KDM5B: variants seen among roughly 807,000 people sequenced by gnomAD.
KDM5B encodes the protein lysine-specific demethylase 5B.
KDM5B carries 144 observed loss-of-function variants against 193.4 expected under a neutral mutation model. That is an observed-to-expected ratio of 0.74 (90% CI 0.65 to 0.86). KDM5B has a LOEUF of 0.86. KDM5B is among the 40% of genes least tolerant of loss of function. KDM5B has a pLI of 0.00. For missense variants in KDM5B, 1,833 were observed against 1,886.9 expected (o/e 0.97, Z 0.53); for synonymous variants, 668 against 682.6 (o/e 0.98, Z 0.33).
intron 15 of KDM5B, 72 bp downstream of exon 15, chr1:202,746,070 C>T: frequency 6.3e-7 from 1 of 1,583,586 alleles, no homozygotes; most frequent in South Asian, 1.1e-5. Flanking sequence ...AGCCCTAGAA[C>T]TGCGGTATCA....
chr1:202,782,758 T>C (rs1320158013), intron 1 of KDM5B, among the ~76,000 whole-genome samples: 10 of 152,230 alleles, frequency 6.6e-5, no homozygotes, highest in Non-Finnish European at 1.5e-4. Context: ...AATCACTTTT[T>C]CTAACATAAA....
intron 10 of KDM5B, among the ~76,000 whole-genome samples, chr1:202,755,707 C>T (rs35347088): frequency 0.023 from 3,431 of 152,128 alleles, 46 homozygotes; most frequent in Non-Finnish European, 0.035. Context: ...CATGAGTCCA[C>T]TTTAACAAAG....
rs373709895 is a variant in KDM5B, at chr1:202,779,044, A to C, written c.205-1950T>G. On this transcript the variant is annotated intron_variant, in intron 1 of 26. Transcript: ENST00000367265. ...AGCTATCTAGAGCAAAAAGGCTCACAATAGTGGTTGTCCTTACTGGCAGGG... is the reference window on the plus strand; with the variant it reads ...AGCTATCTAGAGCAAAAAGGCTCACCATAGTGGTTGTCCTTACTGGCAGGG... 5.3e-5 allele frequency among the ~76,000 whole-genome samples: 8 copies of C among 152,324 alleles called. No homozygotes were observed. In the East Asian group the frequency reaches 7.7e-4, roughly 15 times the overall value.
rs1026617816 is a variant in KDM5B, at chr1:202,730,941, G to C, written c.4144C>G (p.Arg1382Gly). ...AKPSPAQQTD[R>G]SSPVRPSSEK... is the part of the protein sequence containing the mutation. ...CTGCTGGGTCTCACTGGTGAGCTTC[G>C]GTCAGTCTGCTGAGCAGGGCTTGGC... The change falls in exon 25 of 27, where the codon CGA becomes GGA. Residue 1382 changes from arginine to glycine, a missense_variant. Physicochemically the swap from Arg to Gly is moderately radical, Grantham distance 125. Around this residue, in one of 3 missense-constraint regions of KDM5B, gnomAD observed 1,379 missense variants for 1,349.6 expected, o/e 1.02. Coordinates refer to ENST00000367265, the MANE Select transcript of KDM5B (RefSeq NM_006618.5). 3 of 1,611,636 alleles carry C rather than the reference G, an allele frequency of 1.9e-6. No individual in the cohort carries two copies. The highest frequency in any genetic ancestry group is 4.5e-5 in the East Asian group (2 of 44,832).
In KDM5B at chr1:202,744,521, GCA is replaced by G. The variant is rs562529113; in HGVS notation, c.2323+1335_2323+1336del. On this transcript the variant is annotated intron_variant, in intron 16 of 26. Coordinates refer to ENST00000367265, the MANE Select transcript of KDM5B (RefSeq NM_006618.5). ...TGCAGTGAGCCGAGATCGCACCACT[GCA>G]CTCCAGTCTGGGTGACAGAGCAAGA... is the stretch of plus-strand genomic sequence containing the variant. Among the ~76,000 whole-genome samples, 9 of 152,244 alleles carry G rather than the reference GCA, an allele frequency of 5.9e-5. No individual in the cohort carries two copies. The East Asian group carries it at 1.7e-3, about 29-fold the overall frequency.
In KDM5B at chr1:202,733,397, T is replaced by TCAC; in HGVS notation, c.3909+1_3909+3dup. 6.2e-7 allele frequency: 1 copy of TCAC among 1,608,750 alleles called. No individual in the cohort carries two copies. The highest frequency in any genetic ancestry group is 8.5e-7 in the Non-Finnish European group (1 of 1,175,738). ...ATAACCCAACAAGGAAAGTCCAGATTCACCTTGTTTGTGTCTGACACCTGT... is the reference window on the plus strand; with the variant it reads ...ATAACCCAACAAGGAAAGTCCAGATTCACCACCTTGTTTGTGTCTGACACCTGT... On this transcript the variant is annotated splice_donor_region_variant and intron_variant, in intron 23 of 26. Coordinates refer to ENST00000367265, the MANE Select transcript of KDM5B (RefSeq NM_006618.5).
In KDM5B at chr1:202,774,735, C is replaced by A; in HGVS notation, c.283G>T (p.Ala95Ser). The A allele has an allele frequency of 6.2e-7, 1 of 1,612,306 alleles. No individual in the cohort carries two copies. Among genetic ancestry groups the A allele is most frequent in the Non-Finnish European group, 8.5e-7 (1 of 1,179,128 alleles). Residue 95 changes from alanine (A) to serine (S), a missense_variant and splice_region_variant, in exon 3 of 27, where the codon GCC becomes TCC. This residue lies in a region of KDM5B where 355 missense variants were observed against 374.9 expected (regional missense o/e 0.95). Coordinates refer to ENST00000367265, the MANE Select transcript of KDM5B (RefSeq NM_006618.5). ...PRIQRLNELE[A>S]QTRVKLNFLD... ...AAATTCAATTTTACACGAGTTTGGG[C>A]CTAAAAGACAAAGAATTGAGTTTTC...
In KDM5B at chr1:202,794,964, G is replaced by C. The variant is rs184811733; in HGVS notation, c.204+13138C>G. Among the ~76,000 whole-genome samples, 280 of 152,276 alleles carry C rather than the reference G, an allele frequency of 1.8e-3. 1 individual carries two copies. The highest frequency in any genetic ancestry group is 6.1e-3 in the African/African-American group (255 of 41,564). On this transcript the variant is annotated intron_variant, in intron 1 of 26. Transcript: ENST00000367265. ...GTGGTGGCTCACACCTGTAATCCCA[G>C]AACTTTGGAAGGCTGAGGCGGGCAG...
chr1:202,753,794 C>T (rs982892078), intron 11 of KDM5B, among the ~76,000 whole-genome samples: 35 of 151,728 alleles, frequency 2.3e-4, no homozygotes, highest in African/African-American at 7.3e-4. Flanking sequence ...CTCAGCCTCC[C>T]GAGTAGCTAG....
intron 1 of KDM5B, among the ~76,000 whole-genome samples, chr1:202,779,416 T>C (rs1657099852): frequency 6.6e-6 from 1 of 151,330 alleles, no homozygotes; most frequent in South Asian, 2.1e-4. Flanking sequence ...GAGGCGGAGT[T>C]TGCAGTGAGC....
rs1041937663 is a variant in KDM5B at position 202,773,694 on chromosome 1, T to C, written c.406-406A>G. Among the ~76,000 whole-genome samples the C allele has an allele frequency of 2.0e-5, 3 of 151,924 alleles. No homozygotes were observed. The East Asian group carries it at 5.8e-4, about 29-fold the overall frequency. Reference sequence around the variant, plus strand: ...GCATGTTTGATGGAAAGAATGTAAATTTCAGAATCAAATGGGCCTGGTATT... The same window carrying C: ...GCATGTTTGATGGAAAGAATGTAAACTTCAGAATCAAATGGGCCTGGTATT... On this transcript the variant is annotated intron_variant, in intron 3 of 26. Coordinates refer to ENST00000367265, the MANE Select transcript of KDM5B (RefSeq NM_006618.5).
chr1:202,796,314 C>A (rs1415758480), intron 1 of KDM5B: 14 of 399,164 alleles, frequency 3.5e-5, no homozygotes, highest in Non-Finnish European at 7.0e-5. Flanking sequence ...GGTTTTAAGA[C>A]CCTACCAGCT....
intron 1 of KDM5B, among the ~76,000 whole-genome samples, chr1:202,792,926 G>A (rs1274102240): frequency 6.6e-6 from 1 of 151,606 alleles, no homozygotes; most frequent in African/African-American, 2.4e-5. Flanking sequence ...GAACCCAGGA[G>A]GCAGAGGTTG....
At position 202,729,817 on chromosome 1, in the gene KDM5B, C is replaced by G; in HGVS notation, c.4387G>C (p.Ala1463Pro). ...TCTGAGGGCAGGGAATGAGTTTCAGCAGAACGAACTAATTCATAGCTACGC... is the reference window on the plus strand; with the variant it reads ...TCTGAGGGCAGGGAATGAGTTTCAGGAGAACGAACTAATTCATAGCTACGC... Reference protein sequence around the residue: ...RERSYELVRSAETHSLPSDTS... With the variant: ...RERSYELVRSPETHSLPSDTS... Residue 1463 changes from alanine (A) to proline (P), a missense_variant, in exon 26 of 27, where the codon GCT becomes CCT. Around this residue, in one of 3 missense-constraint regions of KDM5B, gnomAD observed 1,379 missense variants for 1,349.6 expected, o/e 1.02. Transcript: ENST00000367265. 6.2e-7 allele frequency: 1 copy of G among 1,614,160 alleles called. No homozygotes were observed. Among genetic ancestry groups the G allele is most frequent in the Admixed American group, 1.7e-5 (1 of 60,020 alleles).
intron 26 of KDM5B, 121 bp from the exon 27 acceptor site, chr1:202,729,294 C>G: frequency 9.4e-7 from 1 of 1,059,584 alleles, no homozygotes; most frequent in Non-Finnish European, 1.4e-6. Context: ...ACCACTGGGA[C>G]CTCTGGCACA....
Position 202,742,679 on chromosome 1 carries a change from A to C in KDM5B, c.2450T>G (p.Leu817Trp). The change falls in exon 17 of 27, where the codon TTG (leucine) becomes TGG (tryptophan). Residue 817 changes from leucine to tryptophan, a missense_variant. By Grantham distance (61) the Leu-to-Trp change is moderately conservative. Transcript: ENST00000367265. ...CCTAGTTTGCCTTTTGCCATTAAGC[A>C]ACTGCTGCGCAACAGAGGCACACTT... ...AEKCASVAQQ[L>W]LNGKRQTRYR... 6.2e-7 allele frequency: 1 copy of C among 1,614,156 alleles called. No homozygotes were observed.
intron 1 of KDM5B, among the ~76,000 whole-genome samples, chr1:202,797,914 GGC>G (rs1267572765): frequency 5.3e-5 from 8 of 152,224 alleles, no homozygotes; most frequent in African/African-American, 1.7e-4. Context: ...GGACAGGCCG[GGC>G]ATAGTGGCTT....
rs1443631488 is a variant in KDM5B, at chr1:202,731,042, T to G, written c.4043A>C (p.Glu1348Ala). Residue 1348 changes from glutamate to alanine, a missense_variant, in exon 25 of 27, where the codon GAA becomes GCA. Transcript: ENST00000367265. ...GAGCAGCTGGGCTTCCATCAATAGT[T>G]CATTCACTTCTGGACTAACACCTGT... ...PLHGVSPEVN[E>A]LLMEAQLLQV... 1 of 1,612,274 alleles carries G rather than the reference T, an allele frequency of 6.2e-7. No individual in the cohort carries two copies.
At position 202,766,965 on chromosome 1, in the gene KDM5B, C is replaced by T. The variant is rs752878632; in HGVS notation, c.672G>A (p.Thr224=). ...PQRQSVQPSE[T]CPPARRAKRM... is the part of the protein sequence containing the mutation. The stretch of plus-strand genomic sequence containing the variant: ...GTTTTGCTCGTCGGGCTGGGGGGCA[C>T]GTTTCCGAAGGCTGCACAGACTGCC... The change falls in exon 5 of 27, where the codon ACG becomes ACA. Residue 224 remains threonine (T), a synonymous_variant. Coordinates refer to ENST00000367265, the MANE Select transcript of KDM5B (RefSeq NM_006618.5). The T allele has an allele frequency of 1.1e-5, 17 of 1,584,072 alleles. No homozygotes were observed. The highest frequency in any genetic ancestry group is 2.8e-5 in the African/African-American group (2 of 72,566).
Sources: gnomAD v4.1 joint callset for allele counts (sites outside exome capture counted in the v4.1 genomes callset) on GRCh38, gnomAD v4.1.1 for gene constraint, gnomAD v4.1.1 regional missense constraint, MANE v1.5 for transcripts, NCBI Gene and HGNC (gene_info 2026-07-23, HGNC 2026-07-21) for gene names.